Variants in PCDH15 observed in about 807,000 individuals in gnomAD.
PCDH15 encodes protocadherin-15.
Under a neutral mutation model 178.5 loss-of-function variants are expected in PCDH15, and 129 were observed. The observed-to-expected ratio is 0.72, with a 90% CI of 0.63 to 0.84. The LOEUF (loss-of-function observed/expected upper bound fraction) is 0.84. Ranked by LOEUF, PCDH15 falls within the 40% of genes least tolerant of loss-of-function variation. The probability of loss-of-function intolerance (pLI) is 0.00; values close to 1 mark genes in which losing one functional copy is unlikely to be tolerated. For missense variants in PCDH15, 2,230 were observed against 2,099.9 expected (o/e 1.06, Z -1.21); for synonymous variants, 800 against 732.0 (o/e 1.09, Z -1.50).
In PCDH15 at chr10:54,150,714, T is replaced by C. The variant is rs538598510; in HGVS notation, c.1784+2386A>G. On this transcript the variant is annotated intron_variant, in intron 14 of 37. Coordinates refer to ENST00000644397, the MANE Select transcript of PCDH15 (RefSeq NM_001384140.1). Reference sequence around the variant, plus strand: ...CATTTATTTGTTTTATATATGTTTATAATACATTCATGTCTGATATTATAG... The same window carrying C: ...CATTTATTTGTTTTATATATGTTTACAATACATTCATGTCTGATATTATAG... 5.3e-5 allele frequency among the ~76,000 whole-genome samples: 8 copies of C among 152,178 alleles called. No individual in the cohort carries two copies. In the East Asian group the frequency reaches 1.5e-3, roughly 29 times the overall value.
chr10:54,424,336 G>A (rs1473574365), intron 3 of PCDH15, among the ~76,000 whole-genome samples: 10 of 151,750 alleles, frequency 6.6e-5, no homozygotes, highest in South Asian at 2.1e-4. Context: ...TTAGAATGGC[G>A]ATCATTAAAA....
At chr10:54,939,521 A>AAAAAAAAAAAAAAAAAAAAACAAAAAAAC (rs1838005307) in intron 2 of PCDH15, among the ~76,000 whole-genome samples, 1 of 150,396 alleles carries the variant, frequency 6.6e-6, no homozygotes, top group Non-Finnish European at 1.5e-5. Context: ...AAAAAAAAAA[A>AAAAAAAAAAAAAAAAAAAAACAAAAAAAC]AATCAGTGAT....
intron 8 of PCDH15, among the ~76,000 whole-genome samples, chr10:54,301,658 A>G (rs1454855815): frequency 6.6e-6 from 1 of 152,144 alleles, no homozygotes; most frequent in Non-Finnish European, 1.5e-5. Flanking sequence ...CTGACCAGCC[A>G]TTTGATACTA....
intron 14 of PCDH15, among the ~76,000 whole-genome samples, chr10:54,149,435 G>T (rs2044296321): frequency 6.6e-6 from 1 of 152,050 alleles, no homozygotes; most frequent in South Asian, 2.1e-4. Context: ...TCTGAGAAAA[G>T]ATCCATCCAG....
chr10:55,305,098 T>C (rs550900500), intron 1 of PCDH15, among the ~76,000 whole-genome samples: 2 of 152,286 alleles, frequency 1.3e-5, no homozygotes, highest in Non-Finnish European at 2.9e-5. Context: ...AAGGTAACTA[T>C]TACCTCGGCT....
chr10:53,822,890 A>C lies in PCDH15; in HGVS notation c.4368-2660T>G. 6.2e-7 allele frequency: 1 copy of C among 1,613,958 alleles called. No individual in the cohort carries two copies. Among genetic ancestry groups the C allele is most frequent in the South Asian group, 1.1e-5 (1 of 91,086 alleles). ...TACCTCTTTTGTTTGTACAGATTCC[A>C]GTGTTTTCATTTTCAGCTTTCTGCC... On this transcript the variant is annotated intron_variant, in intron 32 of 37. Coordinates refer to ENST00000644397, the MANE Select transcript of PCDH15 (RefSeq NM_001384140.1).
chr10:55,536,146 A>G lies in PCDH15; in HGVS notation c.-156+91479T>C, dbSNP rs73254693. ...AAGGTAATTTTAAGATGCCTAAAGG[A>G]CATACTTATTTCATATTCAAGAAAT... On this transcript the variant is annotated intron_variant, in intron 2 of 5. Transcript: ENST00000613346. Among the ~76,000 whole-genome samples the G allele has an allele frequency of 5.6e-3, 847 of 152,210 alleles. 12 individuals carry two copies. Among genetic ancestry groups the G allele is most frequent in the African/African-American group, 0.019 (806 of 41,560 alleles).
intron 2 of PCDH15, among the ~76,000 whole-genome samples, chr10:55,102,087 A>G (rs1175606701): frequency 2.6e-5 from 4 of 151,856 alleles, no homozygotes; most frequent in African/African-American, 9.7e-5. Flanking sequence ...TTTATTGTAC[A>G]TTGCTTTTTA....
At chr10:54,248,933 G>A (rs2056236565) in intron 8 of PCDH15, among the ~76,000 whole-genome samples, 1 of 151,868 alleles carries the variant, frequency 6.6e-6, no homozygotes, top group African/African-American at 2.4e-5. Flanking sequence ...CTTAAAAATG[G>A]AGGAGTTTAA....
chr10:54,480,539 T>C (rs918087754), intron 3 of PCDH15, among the ~76,000 whole-genome samples: 2 of 152,030 alleles, frequency 1.3e-5, no homozygotes, highest in Admixed American at 6.6e-5. Flanking sequence ...CTTCAAAATA[T>C]ATAGAGGAGA....
chr10:55,428,781 T>C (rs983788792), intron 2 of PCDH15, among the ~76,000 whole-genome samples: 1 of 151,976 alleles, frequency 6.6e-6, no homozygotes, highest in Non-Finnish European at 1.5e-5. Flanking sequence ...TTTTTGTTAT[T>C]GTTTTATACA....
At chr10:54,936,475 G>T (rs1837910402) in intron 2 of PCDH15, among the ~76,000 whole-genome samples, 1 of 151,838 alleles carries the variant, frequency 6.6e-6, no homozygotes, top group African/African-American at 2.4e-5. Context: ...AAGATTTTTG[G>T]AACATTTTAC....
intron 2 of PCDH15, among the ~76,000 whole-genome samples, chr10:55,148,192 T>C (rs928523475): frequency 6.6e-6 from 1 of 151,900 alleles, no homozygotes; most frequent in Admixed American, 6.6e-5. Context: ...TTCAACATTC[T>C]CCCAAACAAA....
Position 53,822,016 on chromosome 10 carries a change from C to G in PCDH15, c.4368-1786G>C, listed in dbSNP as rs2076301310. 6.2e-7 allele frequency: 1 copy of G among 1,613,918 alleles called. No individual in the cohort carries two copies. The highest frequency in any genetic ancestry group is 8.5e-7 in the Non-Finnish European group (1 of 1,179,880). Reference sequence around the variant, plus strand: ...ACATTTGTGCGTAGATAGTTTTTTTCTATTTGACTGTACATGTTAGCTACT... The same window carrying G: ...ACATTTGTGCGTAGATAGTTTTTTTGTATTTGACTGTACATGTTAGCTACT... On this transcript the variant is annotated intron_variant, in intron 32 of 37. Coordinates refer to ENST00000644397, the MANE Select transcript of PCDH15 (RefSeq NM_001384140.1).
chr10:55,118,000 T>C (rs2256321), intron 2 of PCDH15, among the ~76,000 whole-genome samples: 69,954 of 151,922 alleles, frequency 0.46, 19,669 homozygotes, highest in African/African-American at 0.79. Flanking sequence ...TCCATTTGCT[T>C]GAGAGAAAGC....
chr10:55,553,944 A>G (rs1842043944), intron 2 of PCDH15, among the ~76,000 whole-genome samples: 1 of 152,030 alleles, frequency 6.6e-6, no homozygotes, highest in African/African-American at 2.4e-5. Context: ...TAATTTGTCT[A>G]GGAAGAACCA....
At chr10:54,911,564 A>T (rs1954820159) in intron 2 of PCDH15, among the ~76,000 whole-genome samples, 2 of 152,156 alleles carry the variant, frequency 1.3e-5, no homozygotes, top group Non-Finnish European at 2.9e-5. Context: ...CTTTTTGCCA[A>T]ATGTTTTCAG....
At chr10:55,566,027 A>C (rs1326003442) in intron 2 of PCDH15, among the ~76,000 whole-genome samples, 1 of 151,714 alleles carries the variant, frequency 6.6e-6, no homozygotes, top group Non-Finnish European at 1.5e-5. Context: ...ATCCTTTATA[A>C]ACACTGATGC....
intron 2 of PCDH15, among the ~76,000 whole-genome samples, chr10:55,348,879 A>C (rs1844833853): frequency 6.6e-6 from 1 of 152,128 alleles, no homozygotes; most frequent in Admixed American, 6.6e-5. Context: ...CAATGAAATA[A>C]GAGAGAAAGC....
Sources: allele counts gnomAD v4.1 joint callset (sites outside exome capture counted in the v4.1 genomes callset), GRCh38; gene constraint gnomAD v4.1.1; transcripts MANE v1.5; gene names NCBI Gene and HGNC (gene_info 2026-07-23, HGNC 2026-07-21).